Variants in CNTN1 observed in about 807,000 individuals in gnomAD.
CNTN1 encodes the protein contactin 1, also known as contactin-1.
In CNTN1, 38 loss-of-function variants were observed where a neutral mutation model predicts 126.4. That is an observed-to-expected ratio of 0.30 (90% confidence interval 0.23 to 0.39). CNTN1 has a LOEUF of 0.39. CNTN1 is among the 10% of genes least tolerant of loss of function. The pLI is 1.00. For synonymous variants in CNTN1, 413 were observed against 422.6 expected (o/e 0.98, Z 0.28); for missense variants, 1,009 against 1,248.4 (o/e 0.81, Z 2.89).
intron 1 of CNTN1, among the ~76,000 whole-genome samples, chr12:40,712,933 G>A (rs1238265396): frequency 6.6e-6 from 1 of 151,964 alleles, no homozygotes; most frequent in African/African-American, 2.4e-5. Context: ...GGTAATCGGG[G>A]GATGTGAGTT....
chr12:40,834,002 C>A (rs1941954174), intron 1 of CNTN1, among the ~76,000 whole-genome samples: 1 of 152,180 alleles, frequency 6.6e-6, no homozygotes, highest in African/African-American at 2.4e-5. Context: ...AATTCTGTTA[C>A]ATTAAGCCAC....
At chr12:41,043,849 G>C (rs1461448389) in intron 23 of CNTN1, among the ~76,000 whole-genome samples, 5 of 149,926 alleles carry the variant, frequency 3.3e-5, no homozygotes, top group Non-Finnish European at 5.9e-5. Flanking sequence ...GTCCTTTGTA[G>C]GGACATGGAT....
At chr12:41,003,550 A>G (rs1349815128) in intron 17 of CNTN1, among the ~76,000 whole-genome samples, 2 of 150,610 alleles carry the variant, frequency 1.3e-5, no homozygotes, top group Admixed American at 6.6e-5. Context: ...ATTTGGTAGA[A>G]TTCAGCTGTG....
chr12:40,959,151 A>C lies in CNTN1; in HGVS notation c.1721A>C (p.Gln574Pro). 1 of 1,612,730 alleles carries C rather than the reference A, an allele frequency of 6.2e-7. No homozygotes were observed. Among genetic ancestry groups the C allele is most frequent in the Non-Finnish European group, 8.5e-7 (1 of 1,179,142 alleles). ...GGGGAATTACTAATCCGAAATGCGC[A>C]GCTGAAACATGCTGGAAGATACACA... ...SNGELLIRNA[Q>P]LKHAGRYTCT... The change falls in exon 15 of 24, where the codon CAG becomes CCG. Residue 574 changes from glutamine to proline, a missense_variant. Physicochemically the swap from Gln to Pro is moderately conservative, Grantham distance 76. Transcript: ENST00000551295.
intron 14 of CNTN1, among the ~76,000 whole-genome samples, chr12:40,954,998 T>C (rs542119479): frequency 1.6e-4 from 24 of 152,162 alleles, no homozygotes; most frequent in African/African-American, 5.5e-4. Flanking sequence ...GGTTGACTGA[T>C]ACCACATGAA....
chr12:40,726,419 C>T (rs1942352002), intron 1 of CNTN1, among the ~76,000 whole-genome samples: 1 of 152,164 alleles, frequency 6.6e-6, no homozygotes, highest in Non-Finnish European at 1.5e-5. Flanking sequence ...AACTTACAAT[C>T]ATTGTGGAAG....
intron 23 of CNTN1, among the ~76,000 whole-genome samples, chr12:41,056,889 AT>A (rs1202825604): frequency 7.6e-6 from 1 of 131,542 alleles, no homozygotes; most frequent in African/African-American, 3.0e-5. Flanking sequence ...ATTTATAAAT[AT>A]TATATTTAGA....
Position 40,933,839 on chromosome 12 carries a change from A to C in CNTN1, c.946A>C (p.Arg316=), listed in dbSNP as rs781527414. 2.5e-6 allele frequency: 4 copies of C among 1,612,356 alleles called. No homozygotes were observed. The highest frequency in any genetic ancestry group is 3.4e-6 in the Non-Finnish European group (4 of 1,178,850). Reference sequence around the variant, plus strand: ...CTATGAATGTGAGGCTGAGAACATTAGAGGAAAGGATAAACATCAAGCAAG... The same window carrying C: ...CTATGAATGTGAGGCTGAGAACATTCGAGGAAAGGATAAACATCAAGCAAG... ...GIYECEAENI[R]GKDKHQARIY... The change falls in exon 9 of 24, where the codon AGA becomes CGA. Residue 316 remains arginine (R), a synonymous_variant. Coordinates refer to ENST00000551295, the MANE Select transcript of CNTN1 (RefSeq NM_001843.4).
chr12:40,956,519 G>A (rs1461944999), intron 14 of CNTN1, among the ~76,000 whole-genome samples: 2 of 152,060 alleles, frequency 1.3e-5, no homozygotes, highest in Non-Finnish European at 2.9e-5. Context: ...AAGGTGATAG[G>A]GGAGGGGGTA....
At chr12:41,014,932 T>G (rs184684806) in intron 18 of CNTN1, among the ~76,000 whole-genome samples, 83 of 152,328 alleles carry the variant, frequency 5.4e-4, no homozygotes, top group African/African-American at 1.8e-3. Context: ...GACTTAGACA[T>G]CTGGCATTTA....
chr12:40,753,734 A>G (rs1347238119), intron 1 of CNTN1, among the ~76,000 whole-genome samples: 1 of 152,126 alleles, frequency 6.6e-6, no homozygotes, highest in Non-Finnish European at 1.5e-5. Context: ...TAGCCAAACC[A>G]TATCATTATT....
chr12:40,917,065 G>T (rs1687124617), intron 3 of CNTN1, among the ~76,000 whole-genome samples: 1 of 128,100 alleles, frequency 7.8e-6, no homozygotes, highest in African/African-American at 2.7e-5. Context: ...TGGGGGCGGG[G>T]GGGGGGGCAG....
intron 3 of CNTN1, among the ~76,000 whole-genome samples, chr12:40,918,272 A>G (rs774802686): frequency 1.8e-4 from 28 of 152,148 alleles, no homozygotes; most frequent in Non-Finnish European, 2.9e-4. Flanking sequence ...GGAACTAACT[A>G]TGGCTAGGTC....
At chr12:40,809,889 G>C (rs73116750) in intron 1 of CNTN1, among the ~76,000 whole-genome samples, 3,439 of 151,320 alleles carry the variant, frequency 0.023, 127 homozygotes, top group African/African-American at 0.078. Flanking sequence ...TATATATTTG[G>C]AGAATTTTAC....
intron 1 of CNTN1, among the ~76,000 whole-genome samples, chr12:40,886,505 C>T (rs1017225716): frequency 6.6e-6 from 1 of 152,100 alleles, no homozygotes; most frequent in Admixed American, 6.6e-5. Flanking sequence ...AATTTTCTCC[C>T]ATCTTGTAGG....
At chr12:41,049,341 T>G (rs1303998780) in intron 23 of CNTN1, among the ~76,000 whole-genome samples, 1 of 152,248 alleles carries the variant, frequency 6.6e-6, no homozygotes, top group African/African-American at 2.4e-5. Context: ...CTATCTCCAT[T>G]CAGACATCTA....
chr12:40,895,755 ATTTT>A (rs35784846), intron 1 of CNTN1, among the ~76,000 whole-genome samples: 5 of 121,722 alleles, frequency 4.1e-5, no homozygotes, highest in African/African-American at 3.2e-5. Context: ...GTGCTTCAAG[ATTTT>A]TTTTTTTTTT....
At chr12:40,790,539 A>T (rs6581961) in intron 1 of CNTN1, among the ~76,000 whole-genome samples, 146,465 of 152,170 alleles carry the variant, frequency 0.96, 70,723 homozygotes, top group East Asian at 1. Context: ...TCCTCATCTC[A>T]CTGCCTGTAT....
At chr12:40,884,725 A>G (rs1026474860) in intron 1 of CNTN1, among the ~76,000 whole-genome samples, 1 of 151,574 alleles carries the variant, frequency 6.6e-6, no homozygotes, top group Non-Finnish European at 1.5e-5. Context: ...TAAGTTTAGC[A>G]TGTTCTTTAT....
Sources: gnomAD v4.1 joint callset for allele counts (sites outside exome capture counted in the v4.1 genomes callset) on GRCh38, gnomAD v4.1.1 for gene constraint, MANE v1.5 for transcripts, NCBI Gene and HGNC (gene_info 2026-07-23, HGNC 2026-07-21) for gene names.